KCTD19: variants seen among roughly 807,000 people sequenced by gnomAD.
KCTD19 encodes the protein BTB/POZ domain-containing protein KCTD19.
A neutral mutation model predicts 103.5 loss-of-function variants in KCTD19; 67 were observed. The ratio of observed to expected loss-of-function variants is 0.65; its 90% CI spans 0.53 to 0.79. KCTD19 has a LOEUF of 0.79. Among genes scored for constraint, KCTD19 ranks in the 30% least tolerant of loss-of-function variants. The probability of loss-of-function intolerance (pLI) is 0.00; values close to 1 mark genes in which losing one functional copy is unlikely to be tolerated. For missense variants in KCTD19, 980 were observed against 1,136.1 expected (o/e 0.86, Z 1.98); for synonymous variants, 439 against 452.2 (o/e 0.97, Z 0.37).
chr16:67,303,086 G>A lies in KCTD19; in HGVS notation c.643+60C>T, dbSNP rs1476482595. On this transcript the variant is annotated intron_variant, in intron 4 of 15. Coordinates refer to ENST00000304372, the MANE Select transcript of KCTD19 (RefSeq NM_001100915.3). The surrounding 1 kb of genome is among the most constrained non-coding windows in gnomAD (Gnocchi z 4.3). Reference sequence around the variant, plus strand: ...CTGGGCCTCTGTGGGACATGTGATGGGGAGGGGTGAATGGGCCCTATCAGC... The same window carrying A: ...CTGGGCCTCTGTGGGACATGTGATGAGGAGGGGTGAATGGGCCCTATCAGC... The A allele has an allele frequency of 2.0e-6, 3 of 1,484,516 alleles. No homozygotes were observed. Among genetic ancestry groups the A allele is most frequent in the Non-Finnish European group, 1.9e-6 (2 of 1,068,950 alleles). The allele number at this position is 1,484,516 out of a possible 1,614,324, so 92.0% of individuals were successfully genotyped here.
In KCTD19 at chr16:67,314,799, T is replaced by TTATATA. The variant is rs138495581; in HGVS notation, c.300+5784_300+5789dup. Among the ~76,000 whole-genome samples, 80 of 45,866 alleles carry TTATATA rather than the reference T, an allele frequency of 1.7e-3. 1 individual carries two copies. The highest frequency in any genetic ancestry group is 4.7e-3 in the African/African-American group (43 of 9,246). 30.1% of individuals were successfully genotyped at this position (45,866 alleles called of 152,430 possible). A position where few individuals can be genotyped will look rare whatever the true frequency, so the allele number is the denominator to read the frequency against. On this transcript the variant is annotated intron_variant, in intron 2 of 15. Coordinates refer to ENST00000304372, the MANE Select transcript of KCTD19 (RefSeq NM_001100915.3). ...ACATGATGGTTTTTTTCACTTAGCA[T>TTATATA]TATATATATATATATATATATATAT... is the stretch of plus-strand genomic sequence containing the variant.
chr16:67,301,905 G>C lies in KCTD19; in HGVS notation c.661C>G (p.Gln221Glu). Residue 221 changes from glutamine to glutamate, a missense_variant, in exon 5 of 16, where the codon CAG becomes GAG. Physicochemically the swap from Gln to Glu is conservative, Grantham distance 29. Transcript: ENST00000304372. ...FRFIVNFLRS[Q>E]KILLPDNFSN... is the part of the protein sequence containing the mutation. ...AAATTATCCGGTAGTAAAATCTTCT[G>C]TGAGCGAAGAAAATTCACTTGAAAA... 1 of 1,613,840 alleles carries C rather than the reference G, an allele frequency of 6.2e-7. No individual in the cohort carries two copies. Among genetic ancestry groups the C allele is most frequent in the East Asian group, 2.2e-5 (1 of 44,884 alleles).
intron 2 of KCTD19, among the ~76,000 whole-genome samples, chr16:67,310,507 A>AAGTTATTG (rs1444998676): frequency 6.6e-6 from 1 of 152,196 alleles, no homozygotes; most frequent in Non-Finnish European, 1.5e-5. Context: ...GACCTGGAAA[A>AAGTTATTG]AGTTATTGGA....
At chr16:67,292,020 C>A (rs1016111063) in intron 12 of KCTD19, among the ~76,000 whole-genome samples, 183 bp from the exon 13 acceptor site, 1 of 152,142 alleles carries the variant, frequency 6.6e-6, no homozygotes, top group South Asian at 2.1e-4. Context: ...ATTACAGGCA[C>A]CTGCCACCAC....
intron 2 of KCTD19, among the ~76,000 whole-genome samples, chr16:67,311,248 C>T (rs1256281481): frequency 6.6e-6 from 1 of 151,848 alleles, no homozygotes; most frequent in Non-Finnish European, 1.5e-5. Context: ...AGCAGAGAGA[C>T]AAAAACTCAG....
chr16:67,326,613 G>C (rs1391712713), intron 1 of KCTD19, 92 bp downstream of exon 1: 3 of 1,513,970 alleles, frequency 2.0e-6, no homozygotes, highest in Non-Finnish European at 2.7e-6. Context: ...CCAGAGCCAG[G>C]TCTCGAACCA....
At position 67,300,034 on chromosome 16, in the gene KCTD19, C is replaced by T. The variant is rs1362518562; in HGVS notation, c.776-461G>A. 1 of 165,738 alleles carries T rather than the reference C, an allele frequency of 6.0e-6. No homozygotes were observed. The allele number at this position is 165,738 out of a possible 1,614,324, so 10.3% of individuals were successfully genotyped here. A position where few individuals can be genotyped will look rare whatever the true frequency, so the allele number is the denominator to read the frequency against. On this transcript the variant is annotated intron_variant, in intron 5 of 15. Transcript: ENST00000304372. This position sits in a 1 kb window ranked among gnomAD's most constrained non-coding sequence, Gnocchi z 4.5. ...TTTCCCCCAGAGACATACTGTGTGG[C>T]ATTATTTTCAGGGTGGGTATTTGGG...
Position 67,303,181 on chromosome 16 carries a change from A to G in KCTD19, c.608T>C (p.Leu203Pro). The change falls in exon 4 of 16, where the codon CTC (leucine) becomes CCC (proline). Residue 203 changes from leucine to proline, a missense_variant. By Grantham distance (98) the Leu-to-Pro change is moderately conservative. Transcript: ENST00000304372. The surrounding 1 kb of genome is among the most constrained non-coding windows in gnomAD (Gnocchi z 4.3). Reference protein sequence around the residue: ...NLLWLAETVALIECECSEFRF... With the variant: ...NLLWLAETVAPIECECSEFRF... ...GAACTCGCTGCACTCGCACTCGATG[A>G]GGGCCACCGTCTCAGCCAGCCACAG... 1 of 1,573,448 alleles carries G rather than the reference A, an allele frequency of 6.4e-7. No homozygotes were observed. Among genetic ancestry groups the G allele is most frequent in the Non-Finnish European group, 8.7e-7 (1 of 1,155,136 alleles).
At chr16:67,295,238 C>T in intron 9 of KCTD19, 25 bp downstream of exon 9, 1 of 1,611,862 alleles carries the variant, frequency 6.2e-7, no homozygotes, top group South Asian at 1.1e-5. Flanking sequence ...GTGATTTCAT[C>T]TTACTGCGTC....
chr16:67,294,513 C>G, intron 11 of KCTD19, 67 bp downstream of exon 11: 2 of 1,110,162 alleles, frequency 1.8e-6, no homozygotes. Flanking sequence ...AACCTACCCC[C>G]ATCCACCCTG....
intron 6 of KCTD19, among the ~76,000 whole-genome samples, chr16:67,299,123 T>C (rs1597394434): frequency 2.0e-5 from 3 of 152,216 alleles, no homozygotes; most frequent in African/African-American, 7.2e-5. Flanking sequence ...AGGACAGAAA[T>C]AGGAAATGGT....
chr16:67,322,254 C>A (rs1025931970), intron 1 of KCTD19, among the ~76,000 whole-genome samples: 1 of 151,122 alleles, frequency 6.6e-6, no homozygotes, highest in Non-Finnish European at 1.5e-5. Context: ...TCAACCCATA[C>A]ACAAAAATTA....
Position 67,297,567 on chromosome 16 carries a change from C to T in KCTD19, c.1083G>A (p.Glu361=), listed in dbSNP as rs2036779457. The part of the protein sequence containing the change: ...AFLDKRDITY[E]PIKVALKTHL... ...GAGTCTTCAAAGCAACTTTGATTGGCTCGTAGGTGATGTCCCTTTTGTCTA... is the reference window on the plus strand; with the variant it reads ...GAGTCTTCAAAGCAACTTTGATTGGTTCGTAGGTGATGTCCCTTTTGTCTA... The change falls in exon 7 of 16, where the codon GAG becomes GAA. Residue 361 remains glutamate, a synonymous_variant. Transcript: ENST00000304372. The T allele has an allele frequency of 2.5e-6, 4 of 1,614,108 alleles. No individual in the cohort carries two copies. Among genetic ancestry groups the T allele is most frequent in the East Asian group, 2.2e-5 (1 of 44,872 alleles).
At chr16:67,294,489 C>T (rs2036741024) in intron 11 of KCTD19, 91 bp downstream of exon 11, 3 of 882,378 alleles carry the variant, frequency 3.4e-6, no homozygotes, top group Middle Eastern at 2.7e-4. Context: ...TTTTGCTGCA[C>T]CCACCAGTAG....
rs780696174 is a variant in KCTD19 at position 67,289,689 on chromosome 16, G to A, written c.2668-7C>T. 1.9e-6 allele frequency: 3 copies of A among 1,600,290 alleles called. No individual in the cohort carries two copies. Among genetic ancestry groups the A allele is most frequent in the South Asian group, 2.2e-5 (2 of 90,770 alleles). On this transcript the variant is annotated splice_region_variant and splice_polypyrimidine_tract_variant and intron_variant, in intron 15 of 15. Transcript: ENST00000304372. ...TGGCGAAGGGCAGTGTAAGCTGGAA[G>A]GAAAGGCCAGTCTTATCCCTGATTT...
Position 67,291,856 on chromosome 16 carries a change from GA to G in KCTD19, c.2219-20del. The G allele has an allele frequency of 6.5e-7, 1 of 1,547,310 alleles. No individual in the cohort carries two copies. The highest frequency in any genetic ancestry group is 8.7e-7 in the Non-Finnish European group (1 of 1,147,126). On this transcript the variant is annotated intron_variant, in intron 12 of 15. Coordinates refer to ENST00000304372, the MANE Select transcript of KCTD19 (RefSeq NM_001100915.3). Reference sequence around the variant, plus strand: ...GGGCTTTCTGTGAAAACAACATAGGGAGGGGGCTCTCCTTTTAAAAAAAAAT... The same window carrying G: ...GGGCTTTCTGTGAAAACAACATAGGGGGGGGCTCTCCTTTTAAAAAAAAAT...
chr16:67,305,710 G>A (rs967391088), intron 2 of KCTD19: 30 of 403,528 alleles, frequency 7.4e-5, no homozygotes, highest in South Asian at 4.0e-4. Context: ...ATAAATTTCC[G>A]GATATAGCAG....
At chr16:67,294,869 C>A (rs1208744116) in intron 10 of KCTD19, 104 bp downstream of exon 10, 3 of 1,075,976 alleles carry the variant, frequency 2.8e-6, no homozygotes, top group Middle Eastern at 2.0e-4. Context: ...CTCCCTCAAC[C>A]CCAAGGAGAT....
At chr16:67,314,875 G>A (rs13337902) in intron 2 of KCTD19, among the ~76,000 whole-genome samples, 2,385 of 49,794 alleles carry the variant, frequency 0.048, 43 homozygotes, top group African/African-American at 0.12. Flanking sequence ...AGAGAGAGAG[G>A]GGAAGGGTCT....
Sources: gnomAD v4.1 joint callset for allele counts (sites outside exome capture counted in the v4.1 genomes callset) on GRCh38, gnomAD v4.1.1 for gene constraint, Gnocchi (gnomAD v3.1) non-coding constraint, MANE v1.5 for transcripts, NCBI Gene and HGNC (gene_info 2026-07-23, HGNC 2026-07-21) for gene names.